Variants in HACD3 observed in about 807,000 individuals in gnomAD.
HACD3 encodes 3-hydroxyacyl-CoA dehydratase 3.
A neutral mutation model predicts 55.2 loss-of-function variants in HACD3; 30 were observed. The observed-to-expected ratio is 0.54, with a 90% CI of 0.41 to 0.74. The LOEUF is 0.74. Among genes scored for constraint, HACD3 ranks in the 30% least tolerant of loss-of-function variants. The probability of loss-of-function intolerance (pLI) is 0.00; values close to 1 mark genes in which losing one functional copy is unlikely to be tolerated. For missense variants in HACD3, 363 were observed against 440.1 expected, an observed-to-expected ratio of 0.82 and a Z score of 1.57; for synonymous variants, 141 against 151.7, an observed-to-expected ratio of 0.93 and a Z score of 0.52.
intron 6 of HACD3, 56 bp from the exon 7 acceptor site, chr15:65,564,159 T>C (rs1355932097): frequency 7.7e-6 from 12 of 1,563,656 alleles, no homozygotes; most frequent in Non-Finnish European, 1.1e-5. Context: ...GTTTGAGAAA[T>C]AGTTCTGTTG....
intron 1 of HACD3, chr15:65,535,786 C>G: frequency 1.5e-6 from 1 of 656,104 alleles, no homozygotes; most frequent in Non-Finnish European, 2.8e-6. Flanking sequence ...GCCTTGAACT[C>G]CTGGGTTTGA....
At chr15:65,558,843 G>C in intron 5 of HACD3, 112 bp downstream of exon 5, 1 of 1,332,754 alleles carries the variant, frequency 7.5e-7, no homozygotes, top group Non-Finnish European at 1.0e-6. Context: ...TGAGCTGTGT[G>C]GGTGAGTTTA....
intron 1 of HACD3, among the ~76,000 whole-genome samples, chr15:65,537,949 AAAAAAAAAAATATATATATAT>A (rs1344064529): frequency 4.5e-3 from 258 of 56,790 alleles, no homozygotes; most frequent in East Asian, 0.011. Context: ...AAAAAAAAAA[AAAAAAAAAAATATATATATAT>A]ATATATATAT....
chr15:65,570,051 T>C, intron 7 of HACD3, 40 bp from the exon 8 acceptor site: 1 of 1,331,484 alleles, frequency 7.5e-7, no homozygotes, highest in Non-Finnish European at 1.1e-6. Flanking sequence ...TTTACATATA[T>C]TTTATTAACT....
At chr15:65,537,818 C>T (rs561502134) in intron 1 of HACD3, among the ~76,000 whole-genome samples, 5 of 80,376 alleles carry the variant, frequency 6.2e-5, no homozygotes, top group African/African-American at 9.2e-5. Flanking sequence ...AAGAATTATG[C>T]TAAATCTACT....
At chr15:65,549,514 C>T (rs1242834679) in intron 1 of HACD3, among the ~76,000 whole-genome samples, 2 of 147,436 alleles carry the variant, frequency 1.4e-5, no homozygotes, top group Non-Finnish European at 3.0e-5. Flanking sequence ...GCAGAAGAAT[C>T]GCTTGAGCCT....
intron 8 of HACD3, 127 bp from the exon 9 acceptor site, chr15:65,571,421 G>A (rs569659391): frequency 7.7e-5 from 52 of 671,038 alleles, no homozygotes; most frequent in Admixed American, 1.3e-4. Flanking sequence ...GATAGCCAGC[G>A]TTATAATTCT....
At chr15:65,540,667 G>A (rs1056300536) in intron 1 of HACD3, among the ~76,000 whole-genome samples, 3 of 152,214 alleles carry the variant, frequency 2.0e-5, no homozygotes, top group African/African-American at 7.2e-5. Context: ...GGGTTTGCAA[G>A]ATGTAGGTCA....
rs1425471256 is a variant in HACD3 at position 65,576,747 on chromosome 15, C to T, written c.*368C>T. 2 of 191,848 alleles carry T rather than the reference C, an allele frequency of 1.0e-5. No homozygotes were observed. Among genetic ancestry groups the T allele is most frequent in the African/African-American group, 4.7e-5 (2 of 42,232 alleles). 11.9% of individuals were successfully genotyped at this position (191,848 alleles called of 1,614,324 possible). Reference sequence around the variant, plus strand: ...TCTTACAGTTGAGATTTGTTCTTTTCAGCTATTGCTTGTGAAAAAAAGCAA... The same window carrying T: ...TCTTACAGTTGAGATTTGTTCTTTTTAGCTATTGCTTGTGAAAAAAAGCAA... On this transcript the variant is annotated 3_prime_UTR_variant, in exon 11 of 11. Coordinates refer to ENST00000261875, the MANE Select transcript of HACD3 (RefSeq NM_016395.4).
chr15:65,551,140 T>C (rs1224878340), intron 1 of HACD3: 1 of 153,114 alleles, frequency 6.5e-6, no homozygotes, highest in Non-Finnish European at 1.5e-5. Flanking sequence ...CAGGTTGCAG[T>C]ACAGGTCTCA....
intron 5 of HACD3, among the ~76,000 whole-genome samples, chr15:65,562,315 G>A (rs564549146): frequency 6.6e-6 from 1 of 152,286 alleles, no homozygotes; most frequent in Non-Finnish European, 1.5e-5. Context: ...TTAGAGTCGT[G>A]CCTTGGGCAG....
chr15:65,539,369 C>T (rs976595323), intron 1 of HACD3, among the ~76,000 whole-genome samples: 7 of 151,798 alleles, frequency 4.6e-5, no homozygotes, highest in South Asian at 2.1e-4. Flanking sequence ...TACGGGCGCC[C>T]GCCATCATGC....
chr15:65,573,659 A>G (rs1360540799), intron 10 of HACD3, among the ~76,000 whole-genome samples: 2 of 152,208 alleles, frequency 1.3e-5, no homozygotes, highest in Non-Finnish European at 2.9e-5. Context: ...TCTAAATGCA[A>G]CTATACATGA....
intron 6 of HACD3, among the ~76,000 whole-genome samples, chr15:65,563,706 C>T (rs542066242): frequency 7.2e-4 from 109 of 152,210 alleles, no homozygotes; most frequent in African/African-American, 2.5e-3. Flanking sequence ...CGTGGTGGCT[C>T]ACGCCTGTAA....
intron 1 of HACD3, among the ~76,000 whole-genome samples, chr15:65,549,426 GAAAAAAA>G (rs34149100): frequency 2.3e-4 from 26 of 111,068 alleles, no homozygotes; most frequent in East Asian, 1.1e-3. Context: ...TCTCTGCTGG[GAAAAAAA>G]AAAAAAAAAA....
chr15:65,537,955 AAAAATATATATATATATAT>A (rs2071978234), intron 1 of HACD3, among the ~76,000 whole-genome samples: 1 of 3,712 alleles, frequency 2.7e-4, no homozygotes, highest in African/African-American at 5.5e-4. Flanking sequence ...AAAAAAAAAA[AAAAATATATATATATATAT>A]ATATATATAT....
intron 2 of HACD3, among the ~76,000 whole-genome samples, chr15:65,552,704 T>C (rs1334438621): frequency 6.6e-6 from 1 of 151,934 alleles, no homozygotes; most frequent in Non-Finnish European, 1.5e-5. Context: ...ATTATTTTTT[T>C]ATTATACTTT....
At chr15:65,533,163 C>T (rs918667754) in intron 1 of HACD3, among the ~76,000 whole-genome samples, 2 of 152,132 alleles carry the variant, frequency 1.3e-5, no homozygotes, top group Admixed American at 6.5e-5. Flanking sequence ...ATAACACACC[C>T]GTAGTTAAAC....
At chr15:65,567,248 G>T (rs980514744) in intron 7 of HACD3, among the ~76,000 whole-genome samples, 1 of 152,100 alleles carries the variant, frequency 6.6e-6, no homozygotes, top group Non-Finnish European at 1.5e-5. Flanking sequence ...GAGTGCAGGA[G>T]TTCGATGTTG....
Sources: allele counts gnomAD v4.1 joint callset (sites outside exome capture counted in the v4.1 genomes callset), GRCh38; gene constraint gnomAD v4.1.1; transcripts MANE v1.5; gene names NCBI Gene and HGNC (gene_info 2026-07-23, HGNC 2026-07-21).